SUCNR1: variants seen among roughly 807,000 people sequenced by gnomAD.
The protein encoded by SUCNR1 is G-protein coupled receptor 91.
Under a neutral mutation model 2.4 loss-of-function variants are expected in SUCNR1, and 5 were observed. That is an observed-to-expected ratio of 2.07 (90% confidence interval 1.08 to 4.36). The LOEUF is 4.36. Among genes scored for constraint, SUCNR1 ranks in the 30% most tolerant of loss-of-function variants. The pLI, the probability that SUCNR1 is intolerant of heterozygous loss-of-function variation, is 0.00. For synonymous variants in SUCNR1, 162 were observed against 143.9 expected (o/e 1.13, Z -0.90); for missense variants, 373 against 399.2 (o/e 0.93, Z 0.56).
chr3:151,882,236 G>C lies in SUCNR1; in HGVS notation c.*688G>C, dbSNP rs1718124214. 1 of 151,904 alleles carries C rather than the reference G, an allele frequency of 6.6e-6. No individual in the cohort carries two copies. Among genetic ancestry groups the C allele is most frequent in the African/African-American group, 2.4e-5 (1 of 41,368 alleles). 9.4% of individuals were successfully genotyped at this position (151,904 alleles called of 1,614,324 possible). A position where few individuals can be genotyped will look rare whatever the true frequency, so the allele number is the denominator to read the frequency against. On this transcript the variant is annotated 3_prime_UTR_variant, in exon 3 of 3. Transcript: ENST00000362032. ...AGAGAATTTAAGTATCAAAATACTA[G>C]AGAGATACACCAAGGATATTTGAAT... is the stretch of plus-strand genomic sequence containing the variant.
chr3:151,874,457 C>A (rs1012213041), intron 1 of SUCNR1, among the ~76,000 whole-genome samples: 1 of 151,898 alleles, frequency 6.6e-6, no homozygotes, highest in Non-Finnish European at 1.5e-5. Flanking sequence ...GGATTCCAGG[C>A]ATGAGCCACT....
chr3:151,879,984 C>A, intron 2 of SUCNR1, 77 bp downstream of exon 2: 2 of 1,210,570 alleles, frequency 1.7e-6, no homozygotes, highest in Non-Finnish European at 2.3e-6. Context: ...TGTTTCTTTG[C>A]TATTTGCCAA....
In SUCNR1 at chr3:151,884,492, T is replaced by A. The variant is rs554664083; in HGVS notation, c.*2944T>A. On this transcript the variant is annotated 3_prime_UTR_variant, in exon 3 of 3. Transcript: ENST00000362032. Reference sequence around the variant, plus strand: ...TATGCCTAGTAAATTAGAATTTTATTCTAGATGATGAATAATGTGTGGCAG... The same window carrying A: ...TATGCCTAGTAAATTAGAATTTTATACTAGATGATGAATAATGTGTGGCAG... 6.6e-6 allele frequency: 1 copy of A among 152,360 alleles called. No individual in the cohort carries two copies. Among genetic ancestry groups the A allele is most frequent in the Admixed American group, 6.5e-5 (1 of 15,306 alleles). 9.4% of individuals were successfully genotyped at this position (152,360 alleles called of 1,614,324 possible). A position where few individuals can be genotyped will look rare whatever the true frequency, so the allele number is the denominator to read the frequency against.
rs767899891 is a variant in SUCNR1 at position 151,880,543 on chromosome 3, T to C, written c.16-16T>C. 7 of 1,569,132 alleles carry C rather than the reference T, an allele frequency of 4.5e-6. No homozygotes were observed. The highest frequency in any genetic ancestry group is 5.2e-6 in the Non-Finnish European group (6 of 1,159,016). On this transcript the variant is annotated splice_polypyrimidine_tract_variant and intron_variant, in intron 2 of 2. Transcript: ENST00000362032. ...AGTCTAGTGTTTAATCCTTATATTTTCTCTCTCTTCTTTAGGCATGGAATG... is the reference window on the plus strand; with the variant it reads ...AGTCTAGTGTTTAATCCTTATATTTCCTCTCTCTTCTTTAGGCATGGAATG...
intron 1 of SUCNR1, among the ~76,000 whole-genome samples, chr3:151,877,616 T>C (rs191837582): frequency 4.5e-4 from 69 of 152,256 alleles, no homozygotes; most frequent in African/African-American, 1.5e-3. Flanking sequence ...GGATATTGCT[T>C]AGATTTTCGT....
At position 151,881,010 on chromosome 3, in the gene SUCNR1, C is replaced by G; in HGVS notation, c.467C>G (p.Pro156Arg). 6.2e-7 allele frequency: 1 copy of G among 1,614,012 alleles called. No individual in the cohort carries two copies. The highest frequency in any genetic ancestry group is 1.1e-5 in the South Asian group (1 of 91,080). ...IWVLVTLELLPILPLINPVIT... is the reference protein window; with the variant it reads ...IWVLVTLELLRILPLINPVIT... ...GTTTTAGTAACCTTAGAGTTACTAC[C>G]CATACTTCCCCTTATAAATCCTGTT... The change falls in exon 3 of 3, where the codon CCC (proline) becomes CGC (arginine). Residue 156 changes from proline to arginine, a missense_variant. Transcript: ENST00000362032.
At chr3:151,877,688 G>C (rs1717964990) in intron 1 of SUCNR1, among the ~76,000 whole-genome samples, 1 of 152,116 alleles carries the variant, frequency 6.6e-6, no homozygotes, top group South Asian at 2.1e-4. Flanking sequence ...CTGCAGGCTT[G>C]GTAAGGAATT....
chr3:151,876,489 T>C (rs1018768163), intron 1 of SUCNR1, among the ~76,000 whole-genome samples: 1 of 152,072 alleles, frequency 6.6e-6, no homozygotes, highest in African/African-American at 2.4e-5. Flanking sequence ...ATAGGAAATT[T>C]AGATAAAAGG....
At position 151,881,175 on chromosome 3, in the gene SUCNR1, C is replaced by T. The variant is rs139010930; in HGVS notation, c.632C>T (p.Ala211Val). ...ATGTGTTTCTTTTATTACAAGATTG[C>T]TCTCTTCCTAAAGCAGAGGAATAGG... ...FVMCFFYYKI[A>V]LFLKQRNRQV... The change falls in exon 3 of 3, where the codon GCT becomes GTT. Residue 211 changes from alanine to valine, a missense_variant. Physicochemically the swap from Ala to Val is moderately conservative, Grantham distance 64 (BLOSUM62 0). Coordinates refer to ENST00000362032, the MANE Select transcript of SUCNR1 (RefSeq NM_033050.6). The T allele has an allele frequency of 2.2e-5, 36 of 1,614,048 alleles. No homozygotes were observed. Among genetic ancestry groups the T allele is most frequent in the Non-Finnish European group, 2.9e-5 (34 of 1,180,046 alleles).
rs1018193902 is a variant in SUCNR1, at chr3:151,879,908, G to A, written c.15+1G>A. 6.3e-7 allele frequency: 1 copy of A among 1,580,298 alleles called. No individual in the cohort carries two copies. Among genetic ancestry groups the A allele is most frequent in the Non-Finnish European group, 8.6e-7 (1 of 1,162,530 alleles). On this transcript the variant is annotated splice_donor_variant, in intron 2 of 2. Coordinates refer to ENST00000362032, the MANE Select transcript of SUCNR1 (RefSeq NM_033050.6). LOFTEE classifies it high-confidence loss of function. ...CAACTACGACATGCTGGGGATCATG[G>A]TATGTTTAGAGACACAAAAGTGAAT... is the stretch of plus-strand genomic sequence containing the variant.
rs369980686 is a variant in SUCNR1 at position 151,884,129 on chromosome 3, T to C, written c.*2581T>C. On this transcript the variant is annotated 3_prime_UTR_variant, in exon 3 of 3. Transcript: ENST00000362032. Reference sequence around the variant, plus strand: ...TTATTATAGTTTATTATTGTCTTCATAGCTGAGTACTCTTAAAATTACTGT... The same window carrying C: ...TTATTATAGTTTATTATTGTCTTCACAGCTGAGTACTCTTAAAATTACTGT... The C allele has an allele frequency of 6.6e-6, 1 of 152,358 alleles. No individual in the cohort carries two copies. The highest frequency in any genetic ancestry group is 1.9e-4 in the East Asian group (1 of 5,194). The allele number at this position is 152,358 out of a possible 1,614,324, so 9.4% of individuals were successfully genotyped here.
At chr3:151,876,024 G>C (rs1223971388) in intron 1 of SUCNR1, among the ~76,000 whole-genome samples, 1 of 152,128 alleles carries the variant, frequency 6.6e-6, no homozygotes, top group African/African-American at 2.4e-5. Context: ...GTGGTGACTA[G>C]GCAGAAAGAT....
At position 151,879,919 on chromosome 3, in the gene SUCNR1, GAC is replaced by G. The variant is rs1402448581; in HGVS notation, c.15+16_15+17del. On this transcript the variant is annotated intron_variant, in intron 2 of 2. Coordinates refer to ENST00000362032, the MANE Select transcript of SUCNR1 (RefSeq NM_033050.6). Reference sequence around the variant, plus strand: ...TGCTGGGGATCATGGTATGTTTAGAGACACAAAAGTGAATTCAAAATCTTCTC... The same window carrying G: ...TGCTGGGGATCATGGTATGTTTAGAGACAAAAGTGAATTCAAAATCTTCTC... The G allele has an allele frequency of 3.8e-6, 6 of 1,566,732 alleles. No individual in the cohort carries two copies. Among genetic ancestry groups the G allele is most frequent in the Non-Finnish European group, 5.2e-6 (6 of 1,155,702 alleles).
At chr3:151,880,174 T>G (rs1718045362) in intron 2 of SUCNR1, among the ~76,000 whole-genome samples, 2 of 152,166 alleles carry the variant, frequency 1.3e-5, no homozygotes, top group South Asian at 4.1e-4. Flanking sequence ...ACTGCCACCC[T>G]CCATCCCAAA....
At position 151,880,784 on chromosome 3, in the gene SUCNR1, A is replaced by C. The variant is rs1289426850; in HGVS notation, c.241A>C (p.Arg81=). Residue 81 remains arginine, a synonymous_variant, in exon 3 of 3, where the codon AGG becomes CGG. Transcript: ENST00000362032. ...AFLCTLPMLI[R]SYANGNWIYG... ...TCTGTGCACCCTCCCCATGCTGATA[A>C]GGAGTTATGCCAATGGAAACTGGAT... The C allele has an allele frequency of 6.2e-7, 1 of 1,614,142 alleles. No individual in the cohort carries two copies. The highest frequency in any genetic ancestry group is 8.5e-7 in the Non-Finnish European group (1 of 1,180,006).
intron 1 of SUCNR1, among the ~76,000 whole-genome samples, chr3:151,876,421 C>T (rs1478101201): frequency 6.6e-6 from 1 of 151,920 alleles, no homozygotes; most frequent in Non-Finnish European, 1.5e-5. Flanking sequence ...TGCTATATTT[C>T]TAGAAATTTA....
intron 1 of SUCNR1, among the ~76,000 whole-genome samples, chr3:151,876,984 T>A (rs969677800): frequency 6.6e-6 from 1 of 152,154 alleles, no homozygotes; most frequent in African/African-American, 2.4e-5. Context: ...TAGTATACAA[T>A]GAAAGCATAA....
In SUCNR1 at chr3:151,881,252, G is replaced by T; in HGVS notation, c.709G>T (p.Ala237Ser). Reference protein sequence around the residue: ...LEKPLNLVIMAVVIFSVLFTP... With the variant: ...LEKPLNLVIMSVVIFSVLFTP... ...AAAGCCTCTCAACTTGGTCATCATGGCAGTGGTAATCTTCTCTGTGCTTTT... is the reference window on the plus strand; with the variant it reads ...AAAGCCTCTCAACTTGGTCATCATGTCAGTGGTAATCTTCTCTGTGCTTTT... Residue 237 changes from alanine (A) to serine (S), a missense_variant, in exon 3 of 3, where the codon GCA (alanine) becomes TCA (serine). Transcript: ENST00000362032. 2 of 1,614,166 alleles carry T rather than the reference G, an allele frequency of 1.2e-6. No individual in the cohort carries two copies. Among genetic ancestry groups the T allele is most frequent in the Non-Finnish European group, 1.7e-6 (2 of 1,180,018 alleles).
intron 1 of SUCNR1, among the ~76,000 whole-genome samples, chr3:151,875,011 G>A (rs1337028842): frequency 6.6e-6 from 1 of 151,862 alleles, no homozygotes; most frequent in Non-Finnish European, 1.5e-5. Context: ...TTTTCAAAAG[G>A]CTGAATATAT....
Sources: gnomAD v4.1 joint callset for allele counts (sites outside exome capture counted in the v4.1 genomes callset) on GRCh38, gnomAD v4.1.1 for gene constraint, MANE v1.5 for transcripts, NCBI Gene and HGNC (gene_info 2026-07-23, HGNC 2026-07-21) for gene names.